DHRS7: variants seen among roughly 807,000 people sequenced by gnomAD.
DHRS7 encodes dehydrogenase/reductase 7.
In DHRS7, 34 loss-of-function variants were observed where a neutral mutation model predicts 38.9. That is an observed-to-expected ratio of 0.87 (90% confidence interval 0.66 to 1.16). The LOEUF is 1.16. DHRS7 is among the 50% of genes most tolerant of loss of function. The pLI is 0.00. For missense variants in DHRS7, 421 were observed against 407.0 expected, an observed-to-expected ratio of 1.03 and a Z score of -0.30; for synonymous variants, 158 against 153.1, an observed-to-expected ratio of 1.03 and a Z score of -0.24.
upstream of DHRS7, among the ~76,000 whole-genome samples, chr14:60,168,092 G>A (rs372629244): frequency 2.0e-5 from 3 of 152,138 alleles, no homozygotes; most frequent in East Asian, 3.8e-4. Context: ...GGCAGACAAG[G>A]TCTTACCTAG....
Position 60,148,378 on chromosome 14 carries a change from T to C in DHRS7, c.972+975A>G, listed in dbSNP as rs754334943. ...AAAAACCATCCTCAGCAATAATCTT[T>C]TGCTGCATAATCATCTATAATTTTT... On this transcript the variant is annotated intron_variant, in intron 6 of 6. Coordinates refer to ENST00000557185, the MANE Select transcript of DHRS7 (RefSeq NM_016029.4). This position sits in a 1 kb window ranked among gnomAD's most constrained non-coding sequence, Gnocchi z 4.8. Among the ~76,000 whole-genome samples the C allele has an allele frequency of 6.6e-6, 1 of 152,228 alleles. No individual in the cohort carries two copies. The highest frequency in any genetic ancestry group is 1.5e-5 in the Non-Finnish European group (1 of 68,042).
At chr14:60,164,972 C>T (rs768323476) in intron 1 of DHRS7, among the ~76,000 whole-genome samples, 2 of 152,226 alleles carry the variant, frequency 1.3e-5, no homozygotes, top group Non-Finnish European at 2.9e-5. Context: ...ATCTTCCGAC[C>T]AGTACAGAAG....
At chr14:60,149,600 C>G (rs1896492936) in intron 5 of DHRS7, 32 bp from the exon 6 acceptor site, 2 of 1,529,428 alleles carry the variant, frequency 1.3e-6, no homozygotes, top group South Asian at 2.5e-5. Context: ...GTGAATTTAT[C>G]CAAGCGATTT....
In DHRS7 at chr14:60,154,014, G is replaced by A; in HGVS notation, c.338C>T (p.Thr113Ile). The change falls in exon 3 of 7, where the codon ACC (threonine) becomes ATC (isoleucine). Residue 113 changes from threonine (T) to isoleucine (I), a missense_variant. Physicochemically the swap from Thr to Ile is moderately conservative, Grantham distance 89. Transcript: ENST00000557185. ...KDILVLPLDL[T>I]DTGSHEAATK... Reference sequence around the variant, plus strand: ...AGCCGCTTCATGGGAACCAGTGTCGGTCAGGTCAAGGGGCAAAACAAGTAT... The same window carrying A: ...AGCCGCTTCATGGGAACCAGTGTCGATCAGGTCAAGGGGCAAAACAAGTAT... The A allele has an allele frequency of 6.2e-7, 1 of 1,614,094 alleles. No homozygotes were observed. The highest frequency in any genetic ancestry group is 8.5e-7 in the Non-Finnish European group (1 of 1,179,968).
intron 6 of DHRS7, 199 bp downstream of exon 6, chr14:60,149,154 G>A (rs931768201): frequency 1.2e-5 from 7 of 571,260 alleles, no homozygotes; most frequent in Non-Finnish European, 2.2e-5. Context: ...TGTATTTTTA[G>A]TAGAGATGGG....
upstream of DHRS7, among the ~76,000 whole-genome samples, chr14:60,166,860 T>C (rs1896874046): frequency 6.6e-6 from 1 of 152,198 alleles, no homozygotes; most frequent in South Asian, 2.1e-4. Context: ...CTGGAATACA[T>C]AGCTTAGTGT....
chr14:60,156,276 G>T, intron 1 of DHRS7, 124 bp from the exon 2 acceptor site: 24 of 650,722 alleles, frequency 3.7e-5, no homozygotes, highest in Non-Finnish European at 4.8e-5. Flanking sequence ...GATGTATAGA[G>T]TTAAAATTTG....
At chr14:60,163,458 C>T (rs1225218266) in intron 1 of DHRS7, among the ~76,000 whole-genome samples, 1 of 152,054 alleles carries the variant, frequency 6.6e-6, no homozygotes, top group Non-Finnish European at 1.5e-5. Context: ...CAGATTTTTG[C>T]TGAATAACTT....
At chr14:60,168,839 A>C, upstream of DHRS7, 1 of 1,436,590 alleles carries the variant, frequency 7.0e-7, no homozygotes, top group South Asian at 1.4e-5. Context: ...CACTCTTCAT[A>C]AACCAAAGCA....
chr14:60,151,602 G>A (rs558945961), intron 4 of DHRS7, among the ~76,000 whole-genome samples: 1 of 150,946 alleles, frequency 6.6e-6, no homozygotes, highest in East Asian at 1.9e-4. Context: ...CTGCCTCTCT[G>A]TAGCAAAAGA....
At position 60,153,195 on chromosome 14, in the gene DHRS7, A is replaced by G. The variant is rs760898282; in HGVS notation, c.394-17T>C. 163 of 1,613,616 alleles carry G rather than the reference A, an allele frequency of 1.0e-4. 1 individual carries two copies. Among genetic ancestry groups the G allele is most frequent in the Non-Finnish European group, 1.3e-4 (159 of 1,179,718 alleles). ...AATGTCGATCTAGTTAAATAAAATCAGAAAAGGGGTGTTTGGGGGATGTCT... is the reference window on the plus strand; with the variant it reads ...AATGTCGATCTAGTTAAATAAAATCGGAAAAGGGGTGTTTGGGGGATGTCT... On this transcript the variant is annotated splice_polypyrimidine_tract_variant and intron_variant, in intron 3 of 6. Transcript: ENST00000557185. This position sits in a 1 kb window ranked among gnomAD's most constrained non-coding sequence, Gnocchi z 4.4.
rs1431113276 is a variant in DHRS7 at position 60,148,367 on chromosome 14, G to C, written c.972+986C>G. The C allele has an allele frequency of 6.6e-6, 1 of 152,070 alleles. No homozygotes were observed. Among genetic ancestry groups the C allele is most frequent in the African/African-American group, 2.4e-5 (1 of 41,402 alleles). The allele number at this position is 152,070 out of a possible 1,614,324, so 9.4% of individuals were successfully genotyped here. A position where few individuals can be genotyped will look rare whatever the true frequency, so the allele number is the denominator to read the frequency against. Reference sequence around the variant, plus strand: ...AGGCTAACAGTAAAAACCATCCTCAGCAATAATCTTTTGCTGCATAATCAT... The same window carrying C: ...AGGCTAACAGTAAAAACCATCCTCACCAATAATCTTTTGCTGCATAATCAT... On this transcript the variant is annotated intron_variant, in intron 6 of 6. Coordinates refer to ENST00000557185, the MANE Select transcript of DHRS7 (RefSeq NM_016029.4). The surrounding 1 kb of genome is among the most constrained non-coding windows in gnomAD (Gnocchi z 4.8).
chr14:60,167,402 T>C (rs1212054973), upstream of DHRS7, among the ~76,000 whole-genome samples: 1 of 152,274 alleles, frequency 6.6e-6, no homozygotes, highest in African/African-American at 2.4e-5. Context: ...CGAAAGTCTT[T>C]TCTATAACTG....
Position 60,156,094 on chromosome 14 carries a change from C to G in DHRS7, c.192G>C (p.Glu64Asp). The G allele has an allele frequency of 6.2e-7, 1 of 1,603,098 alleles. No homozygotes were observed. Among genetic ancestry groups the G allele is most frequent in the South Asian group, 1.1e-5 (1 of 89,612 alleles). ...WVTGASSGIG[E>D]ELAYQLSKLG... ...GTTTAGACAACTGGTAAGCCAGCTC[C>G]TCACCAATTCCACTCGAGGCTCCAG... The change falls in exon 2 of 7, where the codon GAG becomes GAC. Residue 64 changes from glutamate (E) to aspartate (D), a missense_variant. Physicochemically the swap from Glu to Asp is conservative, Grantham distance 45. Coordinates refer to ENST00000557185, the MANE Select transcript of DHRS7 (RefSeq NM_016029.4).
In DHRS7 at chr14:60,148,299, CATTG is replaced by C. The variant is rs1426045763; in HGVS notation, c.972+1050_972+1053del. Reference sequence around the variant, plus strand: ...AATTCTTTTTTTATCTGTCAATCCCCATTGATTAATTTCTAAAAGAAGGTGGTAA... The same window carrying C: ...AATTCTTTTTTTATCTGTCAATCCCCATTAATTTCTAAAAGAAGGTGGTAA... On this transcript the variant is annotated intron_variant, in intron 6 of 6. Coordinates refer to ENST00000557185, the MANE Select transcript of DHRS7 (RefSeq NM_016029.4). The surrounding 1 kb of genome is among the most constrained non-coding windows in gnomAD (Gnocchi z 4.8). 1 of 152,100 alleles carries C rather than the reference CATTG, an allele frequency of 6.6e-6. No homozygotes were observed. Among genetic ancestry groups the C allele is most frequent in the African/African-American group, 2.4e-5 (1 of 41,412 alleles). The allele number at this position is 152,100 out of a possible 1,614,324, so 9.4% of individuals were successfully genotyped here.
rs1167254021 is a variant in DHRS7, at chr14:60,153,410, TAAAA to T, written c.394-236_394-233del. On this transcript the variant is annotated intron_variant, in intron 3 of 6. Coordinates refer to ENST00000557185, the MANE Select transcript of DHRS7 (RefSeq NM_016029.4). The surrounding 1 kb of genome is among the most constrained non-coding windows in gnomAD (Gnocchi z 4.4). ...AGTTAATAATTGTCATTAAAATAAA[TAAAA>T]GCAGCCAGCTGGGCACAGTAGCCTG... is the stretch of plus-strand genomic sequence containing the variant. Among the ~76,000 whole-genome samples, 1 of 152,136 alleles carries T rather than the reference TAAAA, an allele frequency of 6.6e-6. No homozygotes were observed. Among genetic ancestry groups the T allele is most frequent in the Non-Finnish European group, 1.5e-5 (1 of 68,028 alleles).
intron 4 of DHRS7, among the ~76,000 whole-genome samples, chr14:60,151,062 T>A (rs896232015): frequency 6.6e-6 from 1 of 152,158 alleles, no homozygotes; most frequent in Non-Finnish European, 1.5e-5. Flanking sequence ...GGGGCAAAGG[T>A]GAGGAAGATG....
upstream of DHRS7, among the ~76,000 whole-genome samples, chr14:60,167,174 T>C (rs139272945): frequency 4.9e-3 from 750 of 152,352 alleles, 13 homozygotes; most frequent in African/African-American, 0.017. Flanking sequence ...GGATACCCCA[T>C]TTACCATGAT....
chr14:60,159,246 A>G (rs1018325063), intron 1 of DHRS7: 38 of 391,760 alleles, frequency 9.7e-5, no homozygotes, highest in African/African-American at 7.6e-4. Flanking sequence ...TCAGAAAACC[A>G]AGTTTCTTAG....
Sources: allele counts gnomAD v4.1 joint callset (sites outside exome capture counted in the v4.1 genomes callset), GRCh38; gene constraint gnomAD v4.1.1; non-coding constraint Gnocchi (gnomAD v3.1); transcripts MANE v1.5; gene names NCBI Gene and HGNC (gene_info 2026-07-23, HGNC 2026-07-21).